C12orf76: variants seen among roughly 807,000 people sequenced by gnomAD.
C12orf76 encodes uncharacterized protein C12orf76.
Under a neutral mutation model 6.8 loss-of-function variants are expected in C12orf76, and 6 were observed. That is an observed-to-expected ratio of 0.88 (90% confidence interval 0.48 to 1.73). The LOEUF (loss-of-function observed/expected upper bound fraction) is 1.73, where lower values mean the gene tolerates loss of function less well. Among genes scored for constraint, C12orf76 ranks in the 40% most tolerant of loss-of-function variants. C12orf76 has a pLI of 0.01. For synonymous variants in C12orf76, 56 were observed against 43.7 expected, an observed-to-expected ratio of 1.28 and a Z score of -1.11; for missense variants, 99 against 98.2, an observed-to-expected ratio of 1.01 and a Z score of -0.03.
At chr12:110,067,342 C>G in intron 1 of C12orf76, 2 of 928,362 alleles carry the variant, frequency 2.2e-6, no homozygotes, top group Non-Finnish European at 2.6e-6. Flanking sequence ...AGGAAGGAAC[C>G]AAGGTAAGAA....
At chr12:110,057,093 G>A in intron 4 of C12orf76, 2 of 800,452 alleles carry the variant, frequency 2.5e-6, no homozygotes, top group Non-Finnish European at 4.3e-6. Context: ...TGCTTGTGCT[G>A]GACTCACCAG....
At chr12:110,046,493 A>G (rs879849557) in intron 1 of C12orf76, among the ~76,000 whole-genome samples, 1 of 152,210 alleles carries the variant, frequency 6.6e-6, no homozygotes, top group Non-Finnish European at 1.5e-5. Context: ...TATCTATGGC[A>G]AAGGAGTAGT....
chr12:110,054,061 C>G (rs1892630138), upstream of C12orf76, among the ~76,000 whole-genome samples: 1 of 151,824 alleles, frequency 6.6e-6, no homozygotes, highest in African/African-American at 2.4e-5. This position sits in a 1 kb window ranked among gnomAD's most constrained non-coding sequence, Gnocchi z 4.4. Flanking sequence ...GGCGACAGAG[C>G]AAGACCCTGT....
At chr12:110,046,720 T>C (rs976292885) in intron 1 of C12orf76, among the ~76,000 whole-genome samples, 2 of 152,220 alleles carry the variant, frequency 1.3e-5, no homozygotes, top group Admixed American at 6.5e-5. Flanking sequence ...AGACTCACAC[T>C]GGTCTGCAGA....
chr12:110,041,246 T>A lies in C12orf76; in HGVS notation c.*1128A>T, dbSNP rs1463438299. 1 of 152,634 alleles carries A rather than the reference T, an allele frequency of 6.6e-6. No individual in the cohort carries two copies. Among genetic ancestry groups the A allele is most frequent in the Non-Finnish European group, 1.5e-5 (1 of 68,034 alleles). The allele number at this position is 152,634 out of a possible 1,614,324, so 9.5% of individuals were successfully genotyped here. ...AGAACTGAACATTTCAATGGTTCAA[T>A]GTTACAAGATTACAAACAAAATCCT... On this transcript the variant is annotated 3_prime_UTR_variant, in exon 2 of 2. Transcript: ENST00000615315.
exon 1 of C12orf76, chr12:110,073,474 T>C (rs1892985575): frequency 1.9e-6 from 1 of 523,578 alleles, no homozygotes; most frequent in Non-Finnish European, 3.8e-6. Context: ...CCATAATTGA[T>C]GCTTTGGATC....
At chr12:110,052,300 T>C (rs1264508791), upstream of C12orf76, among the ~76,000 whole-genome samples, 2 of 151,588 alleles carry the variant, frequency 1.3e-5, no homozygotes, top group East Asian at 3.9e-4. Context: ...CTCAAGTCGA[T>C]CCTCCCACCT....
chr12:110,068,253 G>GAA (rs764385657), upstream of C12orf76, among the ~76,000 whole-genome samples: 2 of 43,154 alleles, frequency 4.6e-5, no homozygotes, highest in Non-Finnish European at 9.8e-5. Flanking sequence ...GAAGAAAGAA[G>GAA]AAGAAGAAGA....
At chr12:110,055,414 C>T (rs1302352319) in intron 4 of C12orf76, among the ~76,000 whole-genome samples, 1 of 152,078 alleles carries the variant, frequency 6.6e-6, no homozygotes, top group Non-Finnish European at 1.5e-5. Context: ...ACCATGTTGG[C>T]CAAGCTGGTC....
At chr12:110,062,284 A>G (rs186004427) in intron 2 of C12orf76, among the ~76,000 whole-genome samples, 5 of 152,252 alleles carry the variant, frequency 3.3e-5, no homozygotes, top group Admixed American at 2.6e-4. Context: ...AGATATTAGT[A>G]TTGTATTCGG....
upstream of C12orf76, among the ~76,000 whole-genome samples, chr12:110,071,882 G>T (rs2137244125): frequency 6.6e-6 from 1 of 152,284 alleles, no homozygotes; most frequent in Middle Eastern, 3.4e-3. Context: ...GGGTGCAGCT[G>T]CTGTGAAATT....
chr12:110,068,574 G>A (rs1892922754), upstream of C12orf76, among the ~76,000 whole-genome samples: 1 of 152,188 alleles, frequency 6.6e-6, no homozygotes, highest in Non-Finnish European at 1.5e-5. Context: ...ACATAAACCT[G>A]CAACGCTAAC....
intron 1 of C12orf76, among the ~76,000 whole-genome samples, chr12:110,043,085 C>A (rs1566071067): frequency 2.0e-5 from 3 of 150,812 alleles, no homozygotes; most frequent in East Asian, 3.9e-4. Flanking sequence ...AAAACAACAA[C>A]AAAAAACTGA....
intron 1 of C12orf76, among the ~76,000 whole-genome samples, chr12:110,043,428 G>T (rs901939758): frequency 1.3e-5 from 2 of 152,086 alleles, no homozygotes; most frequent in African/African-American, 4.8e-5. Context: ...TGACTATAGG[G>T]GAGCAAGAGA....
chr12:110,044,325 T>G (rs1277224007), intron 1 of C12orf76: 1 of 152,044 alleles, frequency 6.6e-6, no homozygotes, highest in African/African-American at 2.4e-5. Context: ...GGCAGGCAGA[T>G]CACGAGGTCA....
upstream of C12orf76, among the ~76,000 whole-genome samples, chr12:110,072,116 TACTC>T (rs994608657): frequency 6.6e-6 from 1 of 152,214 alleles, no homozygotes; most frequent in African/African-American, 2.4e-5. Flanking sequence ...AATGGAATAT[TACTC>T]AGCCATAAAA....
At chr12:110,046,022 T>C (rs576217779) in intron 1 of C12orf76, 242 of 165,828 alleles carry the variant, frequency 1.5e-3, no homozygotes, top group South Asian at 3.7e-3. Flanking sequence ...AGGTACACAA[T>C]GGCCATGCAT....
upstream of C12orf76, among the ~76,000 whole-genome samples, chr12:110,069,167 A>G (rs1892930373): frequency 6.6e-6 from 1 of 152,222 alleles, no homozygotes; most frequent in African/African-American, 2.4e-5. Context: ...ATCGCCAGGC[A>G]CGGTGCCTCA....
upstream of C12orf76, among the ~76,000 whole-genome samples, chr12:110,068,259 G>GAAGAAGAAGAAGA (rs1892905910): frequency 1.2e-5 from 1 of 86,284 alleles, no homozygotes; most frequent in Non-Finnish European, 2.5e-5. Flanking sequence ...AGAAGAAGAA[G>GAAGAAGAAGAAGA]AAGAAGAAGA....
Sources: allele counts gnomAD v4.1 joint callset (sites outside exome capture counted in the v4.1 genomes callset), GRCh38; gene constraint gnomAD v4.1.1; non-coding constraint Gnocchi (gnomAD v3.1); transcripts MANE v1.5; gene names NCBI Gene and HGNC (gene_info 2026-07-23, HGNC 2026-07-21).